FBXL20: variants seen among roughly 807,000 people sequenced by gnomAD.
The protein encoded by FBXL20 is F-box and leucine rich repeat protein 20.
In FBXL20, 11 loss-of-function variants were observed where a neutral mutation model predicts 64.0. The observed-to-expected ratio is 0.17, with a 90% CI of 0.11 to 0.28. FBXL20 has a LOEUF of 0.28. Among genes scored for constraint, FBXL20 ranks in the 10% least tolerant of loss-of-function variants. The pLI, the probability that FBXL20 is intolerant of heterozygous loss-of-function variation, is 1.00. For synonymous variants in FBXL20, 184 were observed against 189.0 expected (o/e 0.97, Z 0.22); for missense variants, 303 against 526.2 (o/e 0.58, Z 4.15).
chr17:39,312,918 C>CTTTTT (rs56972736), intron 2 of FBXL20, among the ~76,000 whole-genome samples: 6 of 110,596 alleles, frequency 5.4e-5, no homozygotes, highest in African/African-American at 1.9e-4. Context: ...AAGATAGTTA[C>CTTTTT]TTTTTTTTTT....
At chr17:39,303,906 G>A (rs1162740140) in intron 2 of FBXL20, among the ~76,000 whole-genome samples, 5 of 152,180 alleles carry the variant, frequency 3.3e-5, no homozygotes, top group East Asian at 3.9e-4. Flanking sequence ...GGCTGGTCTC[G>A]AACTCTTGGG....
At chr17:39,380,684 C>G (rs924148422) in intron 1 of FBXL20, among the ~76,000 whole-genome samples, 20 of 152,144 alleles carry the variant, frequency 1.3e-4, no homozygotes, top group African/African-American at 4.6e-4. Context: ...TTGTCAATCT[C>G]CCCTCACTAG....
chr17:39,272,139 C>T (rs574246484), intron 10 of FBXL20, among the ~76,000 whole-genome samples: 9 of 152,136 alleles, frequency 5.9e-5, no homozygotes, highest in African/African-American at 1.4e-4. Context: ...GTAATCCCTG[C>T]ACTTTGGGAG....
At chr17:39,265,344 C>G (rs545676172) in intron 13 of FBXL20, 53 bp downstream of exon 13, 1 of 1,421,846 alleles carries the variant, frequency 7.0e-7, no homozygotes, top group African/African-American at 1.4e-5. Context: ...AACTGTAGCA[C>G]TGGCTTTTGA....
At chr17:39,354,894 A>C (rs987325096) in intron 1 of FBXL20, among the ~76,000 whole-genome samples, 18 of 152,138 alleles carry the variant, frequency 1.2e-4, no homozygotes, top group African/African-American at 4.3e-4. Flanking sequence ...CACTTATTTC[A>C]AGGGATGTTC....
At chr17:39,353,866 C>T (rs1323407378) in intron 1 of FBXL20, among the ~76,000 whole-genome samples, 4 of 151,998 alleles carry the variant, frequency 2.6e-5, no homozygotes, top group African/African-American at 4.8e-5. Context: ...TGTCATGATC[C>T]GCCCGCCTTG....
At chr17:39,274,094 C>CA (rs2046870335) in intron 10 of FBXL20, among the ~76,000 whole-genome samples, 2 of 152,194 alleles carry the variant, frequency 1.3e-5, no homozygotes, top group Non-Finnish European at 2.9e-5. Context: ...ATGCTGGTCT[C>CA]AAACTCCTGG....
chr17:39,356,441 A>C (rs1597816757), intron 1 of FBXL20, among the ~76,000 whole-genome samples: 1 of 151,768 alleles, frequency 6.6e-6, no homozygotes, highest in Non-Finnish European at 1.5e-5. Flanking sequence ...CTGCAGCCTC[A>C]ACTTCTTGGG....
chr17:39,266,741 C>T (rs528992874), intron 12 of FBXL20, among the ~76,000 whole-genome samples: 1 of 152,356 alleles, frequency 6.6e-6, no homozygotes, highest in South Asian at 2.1e-4. Flanking sequence ...CATTGGCTAC[C>T]TGAACCTGTT....
intron 6 of FBXL20, among the ~76,000 whole-genome samples, chr17:39,290,216 A>G (rs140602220): frequency 6.6e-6 from 1 of 151,810 alleles, no homozygotes; most frequent in African/African-American, 2.4e-5. Context: ...TCATTTTCCA[A>G]TTGCTGATTG....
intron 1 of FBXL20, among the ~76,000 whole-genome samples, chr17:39,368,108 G>T (rs761263043): frequency 1.2e-4 from 18 of 152,008 alleles, no homozygotes; most frequent in Non-Finnish European, 2.5e-4. Context: ...AGTATCCTAG[G>T]CCAAACACAG....
intron 1 of FBXL20, among the ~76,000 whole-genome samples, chr17:39,347,234 A>G (rs1396713345): frequency 1.3e-5 from 2 of 152,102 alleles, no homozygotes; most frequent in Admixed American, 1.3e-4. Context: ...TCAAATGGTT[A>G]TTTCTAGTTG....
chr17:39,320,039 GCTTA>G (rs2047340226), intron 2 of FBXL20, among the ~76,000 whole-genome samples: 1 of 152,094 alleles, frequency 6.6e-6, no homozygotes, highest in Non-Finnish European at 1.5e-5. Flanking sequence ...AGTCACTGTT[GCTTA>G]TTTATTTTCC....
intron 1 of FBXL20, among the ~76,000 whole-genome samples, chr17:39,376,072 T>C (rs960197193): frequency 7.2e-5 from 11 of 152,062 alleles, no homozygotes; most frequent in African/African-American, 2.4e-4. Flanking sequence ...TGAGCCGTGA[T>C]TGCACCACTG....
intron 1 of FBXL20, among the ~76,000 whole-genome samples, chr17:39,378,685 T>C (rs575919161): frequency 8.2e-4 from 125 of 151,710 alleles, no homozygotes; most frequent in Non-Finnish European, 1.2e-3. Context: ...TGTTGGCTCA[T>C]TGCAACCTCT....
chr17:39,276,182 T>C (rs143006846), intron 9 of FBXL20, among the ~76,000 whole-genome samples: 31 of 130,382 alleles, frequency 2.4e-4, no homozygotes, highest in East Asian at 2.2e-3. Context: ...AGGAGGAGAT[T>C]TGCACCACTG....
chr17:39,281,727 T>C (rs1597772970), intron 8 of FBXL20, among the ~76,000 whole-genome samples: 1 of 152,188 alleles, frequency 6.6e-6, no homozygotes, highest in East Asian at 1.9e-4. Flanking sequence ...GCCTAGTTTT[T>C]ATGGGTTTTA....
chr17:39,339,719 C>T (rs2047563575), intron 2 of FBXL20, among the ~76,000 whole-genome samples: 1 of 151,980 alleles, frequency 6.6e-6, no homozygotes, highest in African/African-American at 2.4e-5. Context: ...GTGATCTCAG[C>T]TCACTGCAAC....
intron 13 of FBXL20, among the ~76,000 whole-genome samples, chr17:39,264,898 T>G (rs180860781): frequency 4.6e-5 from 7 of 152,298 alleles, no homozygotes; most frequent in African/African-American, 1.4e-4. Context: ...CTTGACCCAA[T>G]TTTAGATAGT....
Sources: allele counts gnomAD v4.1 joint callset (sites outside exome capture counted in the v4.1 genomes callset), GRCh38; gene constraint gnomAD v4.1.1; transcripts MANE v1.5; gene names NCBI Gene and HGNC (gene_info 2026-07-23, HGNC 2026-07-21).